Variants in CMSS1 observed in about 807,000 individuals in gnomAD.
CMSS1 encodes the protein cms1 ribosomal small subunit homolog.
Under a neutral mutation model 43.5 loss-of-function variants are expected in CMSS1, and 33 were observed. The ratio of observed to expected loss-of-function variants is 0.76; its 90% CI spans 0.57 to 1.01. The LOEUF (loss-of-function observed/expected upper bound fraction) is 1.01, where lower values mean the gene tolerates loss of function less well. Ranked by LOEUF, CMSS1 falls within the 50% of genes least tolerant of loss-of-function variation. CMSS1 has a pLI of 0.00. For synonymous variants in CMSS1, 115 were observed against 117.2 expected (o/e 0.98, Z 0.12); for missense variants, 313 against 326.4 (o/e 0.96, Z 0.32).
At chr3:99,982,087 G>T (rs1032845747) in intron 1 of CMSS1, among the ~76,000 whole-genome samples, 2 of 151,932 alleles carry the variant, frequency 1.3e-5, no homozygotes, top group South Asian at 2.1e-4. Context: ...CTTTTGTGAC[G>T]GTTGTTAGTC....
At chr3:100,069,016 C>G (rs141272460) in intron 1 of CMSS1, among the ~76,000 whole-genome samples, 3 of 152,160 alleles carry the variant, frequency 2.0e-5, no homozygotes, top group African/African-American at 7.2e-5. Context: ...CCAGATAGAA[C>G]GTTAGCAAGT....
At chr3:100,127,217 G>A (rs1481673719) in intron 1 of CMSS1, among the ~76,000 whole-genome samples, 1 of 152,158 alleles carries the variant, frequency 6.6e-6, no homozygotes, top group African/African-American at 2.4e-5. Flanking sequence ...ATGTAGCTTT[G>A]TTGTGATTAT....
chr3:100,147,265 CTTTTT>C (rs71132514), intron 2 of CMSS1, among the ~76,000 whole-genome samples: 1 of 86,832 alleles, frequency 1.2e-5, no homozygotes. Flanking sequence ...AATTCTTTTT[CTTTTT>C]TTTTTTTTTT....
Position 99,831,289 on chromosome 3 carries a change from T to C in CMSS1, c.64+13246T>C, listed in dbSNP as rs533036617. On this transcript the variant is annotated intron_variant, in intron 1 of 9. Coordinates refer to ENST00000421999, the MANE Select transcript of CMSS1 (RefSeq NM_032359.4). ...ATGTTAAAAGTAGAATTTAAAACTG[T>C]GTACATGCTTTAATTATTTACATGT... Among the ~76,000 whole-genome samples the C allele has an allele frequency of 1.7e-4, 26 of 152,352 alleles. No individual in the cohort carries two copies. The South Asian group carries it at 2.1e-3, about 12-fold the overall frequency.
At chr3:100,037,810 C>T (rs776885953) in intron 1 of CMSS1, among the ~76,000 whole-genome samples, 40 of 152,138 alleles carry the variant, frequency 2.6e-4, no homozygotes, top group Non-Finnish European at 5.3e-4. Flanking sequence ...GATAACTTGA[C>T]CTCCAGTACA....
intron 1 of CMSS1, among the ~76,000 whole-genome samples, chr3:100,054,047 A>G (rs1487133941): frequency 1.3e-5 from 2 of 152,256 alleles, no homozygotes; most frequent in Non-Finnish European, 2.9e-5. Flanking sequence ...TTGAAGAGCT[A>G]CATTATTTCC....
At chr3:99,843,969 G>C (rs1364149016) in intron 1 of CMSS1, among the ~76,000 whole-genome samples, 2 of 152,158 alleles carry the variant, frequency 1.3e-5, no homozygotes, top group Admixed American at 6.5e-5. Context: ...TGAGTGGACA[G>C]TTTCATCCTG....
At chr3:99,955,552 C>CT (rs896253880) in intron 1 of CMSS1, among the ~76,000 whole-genome samples, 84 of 152,242 alleles carry the variant, frequency 5.5e-4, no homozygotes, top group Admixed American at 3.1e-3. Context: ...CTTGAGAACT[C>CT]TAACAAGATA....
chr3:100,058,043 A>G (rs1006701185), intron 1 of CMSS1, among the ~76,000 whole-genome samples: 5 of 152,232 alleles, frequency 3.3e-5, no homozygotes, highest in African/African-American at 7.2e-5. Context: ...TCATGCCTCA[A>G]AGTAATCCCA....
chr3:100,091,393 T>C (rs1282599137), intron 1 of CMSS1, among the ~76,000 whole-genome samples: 1 of 152,140 alleles, frequency 6.6e-6, no homozygotes, highest in Non-Finnish European at 1.5e-5. Context: ...TTTTAATAAA[T>C]GAACTTTGTG....
At chr3:100,105,688 T>C (rs2066383301) in intron 1 of CMSS1, among the ~76,000 whole-genome samples, 1 of 152,134 alleles carries the variant, frequency 6.6e-6, no homozygotes, top group African/African-American at 2.4e-5. Flanking sequence ...AAAGTAGAAA[T>C]GAAAAACAAC....
chr3:99,870,848 C>A (rs1465119957), intron 1 of CMSS1, among the ~76,000 whole-genome samples: 1 of 152,092 alleles, frequency 6.6e-6, no homozygotes. Flanking sequence ...CATTTGTGCC[C>A]CGTAAGTGCA....
chr3:99,942,542 G>C (rs905191607), intron 1 of CMSS1, among the ~76,000 whole-genome samples: 2 of 152,172 alleles, frequency 1.3e-5, no homozygotes, highest in African/African-American at 4.8e-5. Flanking sequence ...TTTAAGAAGT[G>C]GTTTCCTTGC....
At chr3:100,157,602 A>G (rs1223120869) in intron 2 of CMSS1, among the ~76,000 whole-genome samples, 1 of 152,190 alleles carries the variant, frequency 6.6e-6, no homozygotes, top group Non-Finnish European at 1.5e-5. Flanking sequence ...CCATTTTTCC[A>G]AAGAGGAATT....
chr3:100,114,964 G>A (rs973021195), intron 1 of CMSS1: 1 of 1,535,746 alleles, frequency 6.5e-7, no homozygotes, highest in African/African-American at 1.4e-5. Context: ...GCAAAGTGCT[G>A]AGGAAACTCT....
At chr3:100,144,013 C>T (rs2066826356) in intron 1 of CMSS1, among the ~76,000 whole-genome samples, 1 of 152,066 alleles carries the variant, frequency 6.6e-6, no homozygotes, top group Non-Finnish European at 1.5e-5. Flanking sequence ...AAAATTCATT[C>T]TGTCAATCTC....
chr3:99,976,167 C>A (rs1708965215), intron 1 of CMSS1, among the ~76,000 whole-genome samples: 1 of 152,160 alleles, frequency 6.6e-6, no homozygotes, highest in Admixed American at 6.5e-5. Context: ...AGCCACCGCA[C>A]CTGGCCCAGT....
At chr3:100,045,326 T>C (rs2065262373) in intron 1 of CMSS1, among the ~76,000 whole-genome samples, 1 of 152,200 alleles carries the variant, frequency 6.6e-6, no homozygotes, top group Non-Finnish European at 1.5e-5. Context: ...TATTACTATG[T>C]CTAGGAAAAT....
intron 1 of CMSS1, among the ~76,000 whole-genome samples, chr3:99,998,609 C>T (rs914865187): frequency 6.6e-6 from 1 of 152,220 alleles, no homozygotes; most frequent in Non-Finnish European, 1.5e-5. Context: ...AGCACCCATG[C>T]TGGAGTGCAG....
Sources: gnomAD v4.1 joint callset for allele counts (sites outside exome capture counted in the v4.1 genomes callset) on GRCh38, gnomAD v4.1.1 for gene constraint, MANE v1.5 for transcripts, NCBI Gene and HGNC (gene_info 2026-07-23, HGNC 2026-07-21) for gene names.